Variants in URB1 observed in about 807,000 individuals in gnomAD.
The protein encoded by URB1 is nucleolar pre-ribosomal-associated protein 1.
URB1 carries 197 observed loss-of-function variants against 242.3 expected under a neutral mutation model. The ratio of observed to expected loss-of-function variants is 0.81; its 90% CI spans 0.72 to 0.91. The LOEUF (loss-of-function observed/expected upper bound fraction) is 0.91, where lower values mean the gene tolerates loss of function less well. Among genes scored for constraint, URB1 ranks in the 40% least tolerant of loss-of-function variants. The pLI is 0.00. For missense variants in URB1, 2,721 were observed against 2,860.5 expected (o/e 0.95, Z 1.11); for synonymous variants, 1,153 against 1,201.8 (o/e 0.96, Z 0.84).
chr21:32,363,110 C>A, intron 11 of URB1, 46 bp downstream of exon 11: 1 of 1,526,082 alleles, frequency 6.6e-7, no homozygotes. Context: ...GCCTTTTCCA[C>A]CTGGTGAGGT....
chr21:32,364,467 A>C (rs2033323269), intron 10 of URB1, among the ~76,000 whole-genome samples: 1 of 152,206 alleles, frequency 6.6e-6, no homozygotes, highest in African/African-American at 2.4e-5. Flanking sequence ...TTTCTGGTTT[A>C]CTTTCAGCTC....
In URB1 at chr21:32,319,383, T is replaced by C. The variant is rs1323365008; in HGVS notation, c.5626A>G (p.Ile1876Val). ...ACCCACAGTGTGTGTAGCAAGGAGA[T>C]CACATTAGACAGCAGCGGAGTCTCC... ...FLETPLLSNV[I>V]SLLHTLWVTN... Residue 1876 changes from isoleucine to valine, a missense_variant, in exon 36 of 39, where the codon ATC becomes GTC. Coordinates refer to ENST00000382751, the MANE Select transcript of URB1 (RefSeq NM_014825.3). 7.8e-6 allele frequency: 12 copies of C among 1,544,566 alleles called. No homozygotes were observed. In the South Asian group the frequency reaches 1.1e-4, roughly 14 times the overall value.
Position 32,337,600 on chromosome 21 carries a change from T to C in URB1, c.4511-86A>G. On this transcript the variant is annotated intron_variant, in intron 26 of 38. Coordinates refer to ENST00000382751, the MANE Select transcript of URB1 (RefSeq NM_014825.3). ...GAGGAGAGAGCCTTCCAGGCAACAT[T>C]GAAATGCTGGAAATCTCCTCCTCTG... The C allele has an allele frequency of 3.6e-6, 4 of 1,110,310 alleles. No individual in the cohort carries two copies. In the South Asian group the frequency reaches 6.0e-5, roughly 17 times the overall value. 68.8% of individuals were successfully genotyped at this position (1,110,310 alleles called of 1,614,324 possible).
In URB1 at chr21:32,325,311, G is replaced by A. The variant is rs891393372; in HGVS notation, c.5039C>T (p.Pro1680Leu). 10 of 1,551,616 alleles carry A rather than the reference G, an allele frequency of 6.4e-6. No homozygotes were observed. The highest frequency in any genetic ancestry group is 3.3e-4 in the Middle Eastern group (2 of 6,014). ...LTVTALSSYD[P>L]QMRAIAYHVL... ...ATGGTAGGCTATGGCTCGCATCTGG[G>A]GGTCATAGCTGCTGAGGGCTGTGAC... The change falls in exon 31 of 39, where the codon CCC becomes CTC. Residue 1680 changes from proline (P) to leucine (L), a missense_variant. Pro to Leu is a moderately conservative substitution (Grantham distance 98). Transcript: ENST00000382751.
intron 28 of URB1, 139 bp from the exon 29 acceptor site, chr21:32,334,473 A>C (rs2032934012): frequency 9.9e-7 from 1 of 1,011,960 alleles, no homozygotes; most frequent in Non-Finnish European, 1.4e-6. Context: ...GTGTTATATC[A>C]CTCAATCCCA....
chr21:32,388,455 G>C (rs2033605921), intron 1 of URB1, among the ~76,000 whole-genome samples: 1 of 152,192 alleles, frequency 6.6e-6, no homozygotes, highest in African/African-American at 2.4e-5. Flanking sequence ...CTTTTATGCT[G>C]CAACATTTTC....
intron 29 of URB1, 24 bp downstream of exon 29, chr21:32,334,139 G>A (rs1369608446): frequency 6.6e-7 from 1 of 1,523,470 alleles, no homozygotes; most frequent in Admixed American, 2.0e-5. Context: ...GGGGTGGGTA[G>A]GGACAGAACA....
intron 24 of URB1, among the ~76,000 whole-genome samples, chr21:32,343,341 T>A (rs1319932371): frequency 1.3e-5 from 2 of 149,388 alleles, no homozygotes; most frequent in Non-Finnish European, 3.0e-5. Context: ...CAACAAAAAG[T>A]AAGAAACTAC....
In URB1 at chr21:32,347,303, A is replaced by C; in HGVS notation, c.3521T>G (p.Leu1174Arg). The C allele has an allele frequency of 6.4e-7, 1 of 1,551,182 alleles. No individual in the cohort carries two copies. The highest frequency in any genetic ancestry group is 8.7e-7 in the Non-Finnish European group (1 of 1,146,990). Residue 1174 changes from leucine to arginine, a missense_variant, in exon 22 of 39, where the codon CTC becomes CGC. By Grantham distance (102) the Leu-to-Arg change is moderately radical. Transcript: ENST00000382751. ...SPQDQLQSGE[L>R]LWSSEYVRGL... ...TCTCACATACTCGGAGGACCACAGG[A>C]GCTCACCACTCTGCAGCTGATCCTG...
chr21:32,329,261 G>A (rs2032866364), intron 30 of URB1, among the ~76,000 whole-genome samples: 1 of 152,056 alleles, frequency 6.6e-6, no homozygotes, highest in African/African-American at 2.4e-5. Flanking sequence ...GTGAGACCCT[G>A]ACTCTTAAAA....
Position 32,338,824 on chromosome 21 carries a change from C to T in URB1, c.4393G>A (p.Val1465Met), listed in dbSNP as rs1441138701. The change falls in exon 26 of 39, where the codon GTG becomes ATG. Residue 1465 changes from valine to methionine, a missense_variant. Transcript: ENST00000382751. Reference protein sequence around the residue: ...VQLLYSPESSVRTKLIQLPVV... With the variant: ...VQLLYSPESSMRTKLIQLPVV... ...GGGAGCTGGATGAGCTTCGTGCGCA[C>T]GGAGCTTTCTGGGCTGTACAGGAGC... is the stretch of plus-strand genomic sequence containing the variant. 3.0e-5 allele frequency: 47 copies of T among 1,551,430 alleles called. No homozygotes were observed. The highest frequency in any genetic ancestry group is 1.5e-4 in the East Asian group (6 of 40,900).
chr21:32,359,933 GA>G, intron 13 of URB1, 25 bp from the exon 14 acceptor site: 1 of 1,545,116 alleles, frequency 6.5e-7, no homozygotes, highest in South Asian at 1.2e-5. Context: ...GAGGCAGGCT[GA>G]AAAAAGTCAC....
intron 4 of URB1, among the ~76,000 whole-genome samples, chr21:32,381,218 G>A (rs1426736432): frequency 6.6e-6 from 1 of 152,200 alleles, no homozygotes; most frequent in Non-Finnish European, 1.5e-5. Context: ...TGACCTCACA[G>A]GGTTATTATT....
Position 32,368,419 on chromosome 21 carries a change from A to G in URB1, c.1181T>C (p.Ile394Thr), listed in dbSNP as rs1450360874. The change falls in exon 9 of 39, where the codon ATC (isoleucine) becomes ACC (threonine). Residue 394 changes from isoleucine to threonine, a missense_variant. Coordinates refer to ENST00000382751, the MANE Select transcript of URB1 (RefSeq NM_014825.3). The stretch of plus-strand genomic sequence containing the variant: ...TTTTTTTACCTTGTTTAGTAGTTTG[A>G]TATTATTTAACCAAGTAGACTTCGC... ...PRAKSTWLNN[I>T]KLLNKIYEAQ... 2 of 1,545,350 alleles carry G rather than the reference A, an allele frequency of 1.3e-6. No individual in the cohort carries two copies. Among genetic ancestry groups the G allele is most frequent in the East Asian group, 2.4e-5 (1 of 40,864 alleles).
rs764780186 is a variant in URB1 at position 32,312,911 on chromosome 21, G to A, written c.*2007C>T. On this transcript the variant is annotated 3_prime_UTR_variant, in exon 39 of 39. Transcript: ENST00000382751. Reference sequence around the variant, plus strand: ...TTTAAGTCAGGTGAAGACCATGTTCGATCTATTCTCCATGGGATGAGATTC... The same window carrying A: ...TTTAAGTCAGGTGAAGACCATGTTCAATCTATTCTCCATGGGATGAGATTC... 1.3e-5 allele frequency: 2 copies of A among 152,136 alleles called. No individual in the cohort carries two copies. The highest frequency in any genetic ancestry group is 2.9e-5 in the Non-Finnish European group (2 of 68,048). The allele number at this position is 152,136 out of a possible 1,614,324, so 9.4% of individuals were successfully genotyped here. A position where few individuals can be genotyped will look rare whatever the true frequency, so the allele number is the denominator to read the frequency against.
In URB1 at chr21:32,315,093, G is replaced by C; in HGVS notation, c.6641C>G (p.Ala2214Gly). The C allele has an allele frequency of 6.6e-7, 1 of 1,524,826 alleles. No homozygotes were observed. The highest frequency in any genetic ancestry group is 8.9e-7 in the Non-Finnish European group (1 of 1,129,104). 94.5% of individuals were successfully genotyped at this position (1,524,826 alleles called of 1,614,324 possible). A position where few individuals can be genotyped will look rare whatever the true frequency, so the allele number is the denominator to read the frequency against. The change falls in exon 39 of 39, where the codon GCA becomes GGA. Residue 2214 changes from alanine (A) to glycine (G), a missense_variant. Physicochemically the swap from Ala to Gly is moderately conservative, Grantham distance 60 (BLOSUM62 0). Coordinates refer to ENST00000382751, the MANE Select transcript of URB1 (RefSeq NM_014825.3). ...SEKDEATQASAAFLVSLYIKD... is the reference protein window; with the variant it reads ...SEKDEATQASGAFLVSLYIKD... ...TATGTAGAGAGACACTAGGAATGCT[G>C]CGGAGGCTGAACAAGAGCAGGGGAT...
chr21:32,340,603 A>C (rs1040583534), intron 25 of URB1, among the ~76,000 whole-genome samples: 2 of 152,174 alleles, frequency 1.3e-5, no homozygotes, highest in East Asian at 3.8e-4. Context: ...ACATGAGCAA[A>C]ACTCTGTCTC....
At position 32,316,674 on chromosome 21, in the gene URB1, G is replaced by A. The variant is rs2123538125; in HGVS notation, c.6426C>T (p.Asp2142=). ...TGAATATGCTGCTCCTCACGGCACTGTCCTTAAGGAGGTCAGCCACGACCA... is the reference window on the plus strand; with the variant it reads ...TGAATATGCTGCTCCTCACGGCACTATCCTTAAGGAGGTCAGCCACGACCA... ...HPVVVADLLK[D]SAVRSSIFRL... is the part of the protein sequence containing the mutation. Residue 2142 remains aspartate, a synonymous_variant, in exon 38 of 39, where the codon GAC becomes GAT. Coordinates refer to ENST00000382751, the MANE Select transcript of URB1 (RefSeq NM_014825.3). 1 of 1,551,442 alleles carries A rather than the reference G, an allele frequency of 6.4e-7. No individual in the cohort carries two copies. Among genetic ancestry groups the A allele is most frequent in the Non-Finnish European group, 8.7e-7 (1 of 1,146,898 alleles).
At chr21:32,381,029 T>C (rs1568832926) in intron 4 of URB1, among the ~76,000 whole-genome samples, 1 of 152,234 alleles carries the variant, frequency 6.6e-6, no homozygotes, top group Non-Finnish European at 1.5e-5. Context: ...TTTCACGTCC[T>C]GACATGATGG....
Sources: allele counts gnomAD v4.1 joint callset (sites outside exome capture counted in the v4.1 genomes callset), GRCh38; gene constraint gnomAD v4.1.1; transcripts MANE v1.5; gene names NCBI Gene and HGNC (gene_info 2026-07-23, HGNC 2026-07-21).